Variants in STOX1 observed in about 807,000 individuals in gnomAD.
STOX1 encodes storkhead box 1.
In STOX1, 57 loss-of-function variants were observed where a neutral mutation model predicts 74.8. The observed-to-expected ratio is 0.76, with a 90% CI of 0.62 to 0.95. The LOEUF (loss-of-function observed/expected upper bound fraction) is 0.95. STOX1 is among the 40% of genes least tolerant of loss of function. The probability of loss-of-function intolerance (pLI) is 0.00; values close to 1 mark genes in which losing one functional copy is unlikely to be tolerated. For synonymous variants in STOX1, 375 were observed against 401.3 expected, an observed-to-expected ratio of 0.93 and a Z score of 0.78; for missense variants, 1,010 against 1,117.0, an observed-to-expected ratio of 0.90 and a Z score of 1.37.
intron 1 of STOX1, among the ~76,000 whole-genome samples, chr10:68,829,319 C>A (rs1197201111): frequency 6.6e-6 from 1 of 152,174 alleles, no homozygotes; most frequent in Non-Finnish European, 1.5e-5. Flanking sequence ...AGTTCAAGAC[C>A]AGTCTGGCTA....
intron 1 of STOX1, among the ~76,000 whole-genome samples, chr10:68,869,538 T>A (rs1840489936): frequency 6.6e-6 from 1 of 151,918 alleles, no homozygotes. Context: ...AACGCTGAGG[T>A]ATGGGGAAGA....
intron 1 of STOX1, among the ~76,000 whole-genome samples, chr10:68,854,422 G>A (rs1345592360): frequency 2.0e-5 from 3 of 151,738 alleles, no homozygotes; most frequent in African/African-American, 7.3e-5. Context: ...TCAGCCTCCC[G>A]AGTAGCTGGG....
intron 1 of STOX1, among the ~76,000 whole-genome samples, chr10:68,859,980 A>AGG (rs1840221001): frequency 1.3e-5 from 2 of 151,944 alleles, no homozygotes; most frequent in South Asian, 4.1e-4. Context: ...TCGGAGATGA[A>AGG]GGAAGGGCCT....
intron 1 of STOX1, among the ~76,000 whole-genome samples, chr10:68,846,116 G>GTTTTTTTTT (rs869245499): frequency 2.1e-4 from 20 of 93,842 alleles, no homozygotes; most frequent in Non-Finnish European, 2.7e-4. Flanking sequence ...ATGGCTTGAG[G>GTTTTTTTTT]TTTTTATTAT....
At position 68,885,021 on chromosome 10, in the gene STOX1, A is replaced by C. The variant is rs1407796879; in HGVS notation, c.1225A>C (p.Lys409Gln). 6.2e-7 allele frequency: 1 copy of C among 1,614,194 alleles called. No homozygotes were observed. Residue 409 changes from lysine (K) to glutamine (Q), a missense_variant, in exon 3 of 4, where the codon AAA (lysine) becomes CAA (glutamine). By Grantham distance (53) the Lys-to-Gln change is moderately conservative (BLOSUM62 1). Transcript: ENST00000298596. Reference protein sequence around the residue: ...MLTIGHKYPSKEGVKKRQGLS... With the variant: ...MLTIGHKYPSQEGVKKRQGLS... ...GACAATCGGGCATAAGTATCCTTCA[A>C]AAGAGGGGGTTAAGAAAAGGCAGGG...
intron 1 of STOX1, among the ~76,000 whole-genome samples, chr10:68,864,575 C>T (rs902430772): frequency 2.6e-5 from 4 of 152,134 alleles, no homozygotes; most frequent in South Asian, 2.1e-4. Context: ...ATCATAGTAG[C>T]GATTTGATCC....
chr10:68,881,821 C>A, intron 1 of STOX1, 137 bp from the exon 2 acceptor site: 1 of 967,520 alleles, frequency 1.0e-6, no homozygotes, highest in South Asian at 1.4e-5. Context: ...GTCATGTTAA[C>A]AGATTCTGAG....
At chr10:68,855,058 T>C (rs1252767953) in intron 1 of STOX1, among the ~76,000 whole-genome samples, 1 of 151,866 alleles carries the variant, frequency 6.6e-6, no homozygotes, top group Non-Finnish European at 1.5e-5. Context: ...TTTGAGGTTA[T>C]AGTGAGCTGT....
chr10:68,845,814 C>T (rs1055033900), intron 1 of STOX1, among the ~76,000 whole-genome samples: 2 of 151,308 alleles, frequency 1.3e-5, no homozygotes, highest in East Asian at 2.0e-4. Flanking sequence ...CTTGGCCAGG[C>T]TGGTCTTGAA....
chr10:68,835,289 G>A (rs1839517556), intron 1 of STOX1, among the ~76,000 whole-genome samples: 1 of 152,034 alleles, frequency 6.6e-6, no homozygotes. Flanking sequence ...TGATCTGCCC[G>A]CCTCGGCCTC....
chr10:68,859,288 T>G (rs975683835), intron 1 of STOX1, among the ~76,000 whole-genome samples: 8 of 152,154 alleles, frequency 5.3e-5, no homozygotes. Context: ...AGCAACCTAT[T>G]CTTTGAACAG....
intron 3 of STOX1, among the ~76,000 whole-genome samples, chr10:68,889,750 G>A (rs1431354889): frequency 1.3e-5 from 2 of 151,940 alleles, no homozygotes; most frequent in South Asian, 2.1e-4. Flanking sequence ...TTTTATTAGA[G>A]ACAGGGTTTC....
Position 68,886,534 on chromosome 10 carries a change from C to T in STOX1, c.2738C>T (p.Ala913Val). Residue 913 changes from alanine (A) to valine (V), a missense_variant, in exon 3 of 4, where the codon GCT (alanine) becomes GTT (valine). By Grantham distance (64) the Ala-to-Val change is moderately conservative. Coordinates refer to ENST00000298596, the MANE Select transcript of STOX1 (RefSeq NM_152709.5). ...AACACTTCACATATGCCAGTGTTGG[C>T]TCAGGATGTCCAATATGAACACAGT... Reference protein sequence around the residue: ...LFNTSHMPVLAQDVQYEHSHL... With the variant: ...LFNTSHMPVLVQDVQYEHSHL... 1 of 1,614,090 alleles carries T rather than the reference C, an allele frequency of 6.2e-7. No individual in the cohort carries two copies. The highest frequency in any genetic ancestry group is 1.1e-5 in the South Asian group (1 of 91,064).
intron 3 of STOX1, among the ~76,000 whole-genome samples, chr10:68,891,276 G>T (rs1348855282): frequency 6.6e-6 from 1 of 152,168 alleles, no homozygotes; most frequent in Non-Finnish European, 1.5e-5. Flanking sequence ...GGATAGAGAT[G>T]AACAAGACAT....
In STOX1 at chr10:68,827,597, T is replaced by G; in HGVS notation, c.-27T>G. ...CGCCGCGCTCGCCGAGGCCCTGCGT[T>G]GCGGGCTCCCGGCCGCCGGCGAAAG... On this transcript the variant is annotated 5_prime_UTR_variant, in exon 1 of 4. Coordinates refer to ENST00000298596, the MANE Select transcript of STOX1 (RefSeq NM_152709.5). 8.8e-7 allele frequency: 1 copy of G among 1,134,008 alleles called. No homozygotes were observed. Among genetic ancestry groups the G allele is most frequent in the Non-Finnish European group, 1.1e-6 (1 of 925,430 alleles). 70.2% of individuals were successfully genotyped at this position (1,134,008 alleles called of 1,614,324 possible). A position where few individuals can be genotyped will look rare whatever the true frequency, so the allele number is the denominator to read the frequency against.
intron 1 of STOX1, among the ~76,000 whole-genome samples, chr10:68,865,608 C>T (rs1468778245): frequency 2.0e-5 from 3 of 152,122 alleles, no homozygotes; most frequent in African/African-American, 7.2e-5. Context: ...GAGATCCTGC[C>T]ACTGCACTCC....
intron 1 of STOX1, among the ~76,000 whole-genome samples, chr10:68,871,283 TG>T (rs1174763662): frequency 6.6e-6 from 1 of 152,158 alleles, no homozygotes; most frequent in East Asian, 1.9e-4. Flanking sequence ...CACCCCCGGG[TG>T]GGGCCACCTG....
chr10:68,884,644 C>A lies in STOX1; in HGVS notation c.848C>A (p.Ala283Glu). The A allele has an allele frequency of 6.2e-7, 1 of 1,614,058 alleles. No individual in the cohort carries two copies. Among genetic ancestry groups the A allele is most frequent in the Non-Finnish European group, 8.5e-7 (1 of 1,180,030 alleles). Residue 283 changes from alanine (A) to glutamate (E), a missense_variant, in exon 3 of 4, where the codon GCA becomes GAA. Transcript: ENST00000298596. ...TCCGTATCTTGGGTACAGAATGGGGCAGTTTCAGTGTCTGCGGAGCACCAC... is the reference window on the plus strand; with the variant it reads ...TCCGTATCTTGGGTACAGAATGGGGAAGTTTCAGTGTCTGCGGAGCACCAC... ...GESVSWVQNG[A>E]VSVSAEHHIC...
chr10:68,838,837 G>A (rs1239610025), intron 1 of STOX1, among the ~76,000 whole-genome samples: 1 of 151,790 alleles, frequency 6.6e-6, no homozygotes, highest in Admixed American at 6.6e-5. Context: ...GTGAACCCAG[G>A]AGGCGGAGGT....
Sources: allele counts gnomAD v4.1 joint callset (sites outside exome capture counted in the v4.1 genomes callset), GRCh38; gene constraint gnomAD v4.1.1; transcripts MANE v1.5; gene names NCBI Gene and HGNC (gene_info 2026-07-23, HGNC 2026-07-21).